The following PCMT1 variants were observed in gnomAD, a reference collection of about 807,000 sequenced individuals.
The protein encoded by PCMT1 is protein-L-isoaspartate (D-aspartate) O-methyltransferase.
PCMT1 carries 9 observed loss-of-function variants against 29.2 expected under a neutral mutation model. The observed-to-expected ratio is 0.31, with a 90% CI of 0.19 to 0.54. The LOEUF is 0.54. PCMT1 is among the 20% of genes least tolerant of loss of function. PCMT1 has a pLI of 0.95. For missense variants in PCMT1, 184 were observed against 282.2 expected (o/e 0.65, Z 2.49); for synonymous variants, 98 against 97.5 (o/e 1.00, Z -0.03).
intron 1 of PCMT1, among the ~76,000 whole-genome samples, chr6:149,769,574 A>G (rs1339160896): frequency 6.6e-6 from 1 of 151,666 alleles, no homozygotes; most frequent in Non-Finnish European, 1.5e-5. Context: ...TGGGCCTCCC[A>G]AAGTGCTGGA....
rs1271205397 is a variant in PCMT1, at chr6:149,811,294, T to G, written c.*716T>G. On this transcript the variant is annotated 3_prime_UTR_variant, in exon 8 of 8. Coordinates refer to ENST00000464889, the MANE Select transcript of PCMT1 (RefSeq NM_001360452.2). ...ATTATAGGAGACTTGTAGTTTAGTG[T>G]GGTTTTCTGTTTCTAATTTGCTGCT... 1 of 152,768 alleles carries G rather than the reference T, an allele frequency of 6.5e-6. No individual in the cohort carries two copies. Among genetic ancestry groups the G allele is most frequent in the Non-Finnish European group, 1.5e-5 (1 of 68,126 alleles). 9.5% of individuals were successfully genotyped at this position (152,768 alleles called of 1,614,324 possible).
chr6:149,780,314 C>G (rs944657013), intron 3 of PCMT1, among the ~76,000 whole-genome samples: 1 of 151,334 alleles, frequency 6.6e-6, no homozygotes, highest in East Asian at 1.9e-4. Context: ...ACACCCCTGC[C>G]TGAGTGACAG....
At chr6:149,794,616 C>CA (rs1435325136) in intron 5 of PCMT1, 9 of 259,446 alleles carry the variant, frequency 3.5e-5, no homozygotes, top group Non-Finnish European at 6.9e-5. Context: ...GAGTCCGTCT[C>CA]AAAAAAACAA....
At chr6:149,808,415 G>T (rs771849143) in intron 7 of PCMT1, among the ~76,000 whole-genome samples, 2 of 151,978 alleles carry the variant, frequency 1.3e-5, no homozygotes, top group South Asian at 4.1e-4. Context: ...AGAGTATTAG[G>T]CTTTTAAAAA....
rs746295070 is a variant in PCMT1 at position 149,776,984 on chromosome 6, CTTAAG to C, written c.192+3819_192+3823del. Among the ~76,000 whole-genome samples, 120 of 152,086 alleles carry C rather than the reference CTTAAG, an allele frequency of 7.9e-4. 1 individual carries two copies. In the Middle Eastern group the frequency reaches 0.017, roughly 22 times the overall value. ...TAATATATACATGAGTGCAGAGTGA[CTTAAG>C]TTATTTATTGACGTCTTATTTATTA... On this transcript the variant is annotated intron_variant, in intron 3 of 7. Transcript: ENST00000464889.
chr6:149,802,061 A>G (rs1775842966), intron 6 of PCMT1, 139 bp from the exon 7 acceptor site: 2 of 482,212 alleles, frequency 4.1e-6, no homozygotes, highest in Non-Finnish European at 7.1e-6. Context: ...CCTGGGAGGC[A>G]GAGGTTGCAG....
chr6:149,776,620 C>G (rs1266431238), intron 3 of PCMT1, among the ~76,000 whole-genome samples: 2 of 151,998 alleles, frequency 1.3e-5, no homozygotes, highest in Non-Finnish European at 2.9e-5. Flanking sequence ...CTTTGTTACC[C>G]CAGGTTGGTC....
chr6:149,774,868 T>G (rs1787494155), intron 3 of PCMT1, among the ~76,000 whole-genome samples: 1 of 151,790 alleles, frequency 6.6e-6, no homozygotes, highest in South Asian at 2.1e-4. Context: ...CACCATGCCC[T>G]GCTAGTTTTT....
At chr6:149,792,547 C>T (rs989042539) in intron 4 of PCMT1, among the ~76,000 whole-genome samples, 5 of 152,094 alleles carry the variant, frequency 3.3e-5, no homozygotes, top group Non-Finnish European at 5.9e-5. Flanking sequence ...GGGTCTCAGT[C>T]TGTCATCCAG....
At chr6:149,776,725 T>C (rs1787586309) in intron 3 of PCMT1, among the ~76,000 whole-genome samples, 1 of 152,218 alleles carries the variant, frequency 6.6e-6, no homozygotes, top group Non-Finnish European at 1.5e-5. Context: ...TCTTCACTTA[T>C]ACTTAGTAAA....
In PCMT1 at chr6:149,770,828, C is replaced by G. The variant is rs139955237; in HGVS notation, c.56-334C>G. On this transcript the variant is annotated intron_variant, in intron 1 of 7. Transcript: ENST00000464889. ...ACCATCCTGGCTAACATGGTGAAAC[C>G]CTGTTTCTAAAATACAAAAAATTAG... Among the ~76,000 whole-genome samples the G allele has an allele frequency of 5.5e-3, 790 of 143,682 alleles. 6 individuals are homozygous for G. Among genetic ancestry groups the G allele is most frequent in the African/African-American group, 0.02 (762 of 37,550 alleles). 94.3% of individuals were successfully genotyped at this position (143,682 alleles called of 152,430 possible).
chr6:149,810,546 A>G lies in PCMT1; in HGVS notation c.*38-70A>G, dbSNP rs572454942. The stretch of plus-strand genomic sequence containing the variant: ...TTTTATTGACTTAATAGTTGTGTCT[A>G]AACTATTATAAAGCCAAATTGGGTA... On this transcript the variant is annotated intron_variant, in intron 7 of 7. Coordinates refer to ENST00000464889, the MANE Select transcript of PCMT1 (RefSeq NM_001360452.2). 1.1e-4 allele frequency: 127 copies of G among 1,147,994 alleles called. No individual in the cohort carries two copies. In the African/African-American group the frequency reaches 1.8e-3, roughly 16 times the overall value. The allele number at this position is 1,147,994 out of a possible 1,614,324, so 71.1% of individuals were successfully genotyped here. A position where few individuals can be genotyped will look rare whatever the true frequency, so the allele number is the denominator to read the frequency against.
chr6:149,811,225 A>T lies in PCMT1; in HGVS notation c.*647A>T, dbSNP rs193012643. The T allele has an allele frequency of 7.2e-5, 11 of 152,772 alleles. No individual in the cohort carries two copies. The highest frequency in any genetic ancestry group is 6.5e-4 in the Admixed American group (10 of 15,300). 9.5% of individuals were successfully genotyped at this position (152,772 alleles called of 1,614,324 possible). A position where few individuals can be genotyped will look rare whatever the true frequency, so the allele number is the denominator to read the frequency against. The stretch of plus-strand genomic sequence containing the variant: ...GTCCTGTAAACACTCAGCTGTTCAG[A>T]TTGGACATAACTGACTTAGTTCTTC... On this transcript the variant is annotated 3_prime_UTR_variant, in exon 8 of 8. Transcript: ENST00000464889.
chr6:149,803,052 CAAAAAAAAAAAAAAAAAA>C (rs60853264), intron 7 of PCMT1, among the ~76,000 whole-genome samples: 1 of 70,570 alleles, frequency 1.4e-5, no homozygotes, highest in Non-Finnish European at 2.8e-5. Flanking sequence ...GGCTCTGTCT[CAAAAAAAAAAAAAAAAAA>C]AAAAAAAAAA....
At chr6:149,804,673 TG>T (rs1775955190) in intron 7 of PCMT1, among the ~76,000 whole-genome samples, 1 of 152,012 alleles carries the variant, frequency 6.6e-6, no homozygotes, top group South Asian at 2.1e-4. Context: ...AGCTAAATTT[TG>T]TATTTTTAGT....
chr6:149,778,052 T>A (rs1787650471), intron 3 of PCMT1, among the ~76,000 whole-genome samples: 1 of 151,780 alleles, frequency 6.6e-6, no homozygotes, highest in African/African-American at 2.4e-5. Context: ...AATTTTTGTA[T>A]TTTTAGTAGA....
intron 1 of PCMT1, among the ~76,000 whole-genome samples, chr6:149,759,323 T>G (rs1285970006): frequency 3.9e-5 from 6 of 152,202 alleles, no homozygotes; most frequent in Non-Finnish European, 8.8e-5. Flanking sequence ...TTATTGTTTT[T>G]CCAGACATGT....
chr6:149,805,575 CAG>C (rs1775988032), intron 7 of PCMT1, among the ~76,000 whole-genome samples: 2 of 151,588 alleles, frequency 1.3e-5, no homozygotes, highest in Non-Finnish European at 2.9e-5. Flanking sequence ...GCCTGGGCAA[CAG>C]AGCGAGACTC....
At chr6:149,765,305 A>G (rs1435374781) in intron 1 of PCMT1, among the ~76,000 whole-genome samples, 1 of 146,426 alleles carries the variant, frequency 6.8e-6, no homozygotes, top group Non-Finnish European at 1.5e-5. Context: ...GCTTGCAGTG[A>G]GCCAAGATCG....
Sources: gnomAD v4.1 joint callset for allele counts (sites outside exome capture counted in the v4.1 genomes callset) on GRCh38, gnomAD v4.1.1 for gene constraint, MANE v1.5 for transcripts, NCBI Gene and HGNC (gene_info 2026-07-23, HGNC 2026-07-21) for gene names.